The following SLC12A1 variants were observed in gnomAD, a reference collection of about 807,000 sequenced individuals.
The protein encoded by SLC12A1 is Na-K-2Cl cotransporter.
Under a neutral mutation model 130.4 loss-of-function variants are expected in SLC12A1, and 89 were observed. That is an observed-to-expected ratio of 0.68 (90% CI 0.58 to 0.81). The LOEUF is 0.81. SLC12A1 is among the 40% of genes least tolerant of loss of function. The pLI, the probability that SLC12A1 is intolerant of heterozygous loss-of-function variation, is 0.00. For missense variants in SLC12A1, 1,310 were observed against 1,336.4 expected, an observed-to-expected ratio of 0.98 and a Z score of 0.31; for synonymous variants, 499 against 460.0, an observed-to-expected ratio of 1.08 and a Z score of -1.09.
intron 20 of SLC12A1, 78 bp downstream of exon 20, chr15:48,274,731 AG>A: frequency 1.1e-6 from 1 of 930,426 alleles, no homozygotes; most frequent in Non-Finnish European, 1.7e-6. Flanking sequence ...GGGATACAGC[AG>A]GGCACAATAT....
At chr15:48,271,048 A>G (rs2141092920) in intron 19 of SLC12A1, among the ~76,000 whole-genome samples, 1 of 151,176 alleles carries the variant, frequency 6.6e-6, no homozygotes, top group South Asian at 2.1e-4. Flanking sequence ...ACATGGTGAA[A>G]CCCCGTCTCT....
At chr15:48,300,475 C>T (rs2042221847) in intron 25 of SLC12A1, among the ~76,000 whole-genome samples, 1 of 152,102 alleles carries the variant, frequency 6.6e-6, no homozygotes, top group African/African-American at 2.4e-5. Flanking sequence ...CCCCTGGGGC[C>T]CACGAGCTTC....
intron 11 of SLC12A1, among the ~76,000 whole-genome samples, chr15:48,245,482 C>T (rs1388142450): frequency 6.6e-6 from 1 of 152,146 alleles, no homozygotes; most frequent in African/African-American, 2.4e-5. Flanking sequence ...CATGAGTACT[C>T]AATGTTTAGC....
At chr15:48,273,944 C>T (rs1566851410) in intron 19 of SLC12A1, among the ~76,000 whole-genome samples, 1 of 152,214 alleles carries the variant, frequency 6.6e-6, no homozygotes, top group Non-Finnish European at 1.5e-5. Context: ...AAACTTTAAT[C>T]TCTTCAAACA....
intron 2 of SLC12A1, among the ~76,000 whole-genome samples, chr15:48,215,849 T>G (rs984595848): frequency 7.2e-5 from 11 of 152,230 alleles, no homozygotes; most frequent in African/African-American, 2.7e-4. Flanking sequence ...GGATTTATTC[T>G]TATTGGCAGT....
chr15:48,301,501 T>C (rs911607533), intron 26 of SLC12A1, 119 bp downstream of exon 26: 3 of 448,592 alleles, frequency 6.7e-6, no homozygotes, highest in African/African-American at 3.7e-5. Flanking sequence ...TGTGTTTTTT[T>C]TGGGGGGGGG....
At chr15:48,301,736 GA>G (rs2042236090) in intron 26 of SLC12A1, among the ~76,000 whole-genome samples, 2 of 152,028 alleles carry the variant, frequency 1.3e-5, no homozygotes, top group Non-Finnish European at 2.9e-5. Context: ...CCCCTTCCCT[GA>G]GTGGATGTCC....
intron 20 of SLC12A1, among the ~76,000 whole-genome samples, chr15:48,276,386 T>C (rs2041954377): frequency 6.6e-6 from 1 of 152,142 alleles, no homozygotes; most frequent in Non-Finnish European, 1.5e-5. Context: ...CCCCAGGACC[T>C]CGGAATGTGA....
At chr15:48,297,944 G>A (rs1566861097) in intron 24 of SLC12A1, among the ~76,000 whole-genome samples, 1 of 152,134 alleles carries the variant, frequency 6.6e-6, no homozygotes, top group Admixed American at 6.5e-5. Context: ...AAGAATAATA[G>A]GGCCTATCAG....
intron 17 of SLC12A1, among the ~76,000 whole-genome samples, chr15:48,262,022 T>A (rs932434376): frequency 6.6e-6 from 1 of 152,156 alleles, no homozygotes; most frequent in Non-Finnish European, 1.5e-5. Flanking sequence ...TAACTTTCAT[T>A]GTTATTGTGA....
Position 48,288,155 on chromosome 15 carries a change from G to A in SLC12A1, c.2742G>A (p.Trp914Ter). The change falls in exon 22 of 27, where the codon TGG (tryptophan) becomes TGA (stop). Residue 914 changes from tryptophan to a stop codon, truncating the protein, a stop_gained. Coordinates refer to ENST00000380993, the MANE Select transcript of SLC12A1 (RefSeq NM_000338.3). LOFTEE classifies it high-confidence loss of function. ...KKQEKGTIDV[W>*]WLFDDGGLTL... ...AAGAAAAAGGCACAATTGATGTTTGGTGGTTGTTTGATGATGGAGGTAAAA... is the reference window on the plus strand; with the variant it reads ...AAGAAAAAGGCACAATTGATGTTTGATGGTTGTTTGATGATGGAGGTAAAA... The A allele has an allele frequency of 6.2e-7, 1 of 1,609,516 alleles. No individual in the cohort carries two copies. The highest frequency in any genetic ancestry group is 1.1e-5 in the South Asian group (1 of 89,868).
chr15:48,273,540 AT>A (rs976367035), intron 19 of SLC12A1, among the ~76,000 whole-genome samples: 1 of 152,150 alleles, frequency 6.6e-6, no homozygotes, highest in African/African-American at 2.4e-5. Context: ...TAGAATCCAA[AT>A]TTTTTTGTGG....
At chr15:48,242,861 G>A (rs187423508) in intron 10 of SLC12A1, among the ~76,000 whole-genome samples, 2 of 152,288 alleles carry the variant, frequency 1.3e-5, no homozygotes, top group East Asian at 3.9e-4. Context: ...TTAGTTACAT[G>A]TAAAGAGATT....
chr15:48,263,468 T>C (rs1299119054), intron 17 of SLC12A1, among the ~76,000 whole-genome samples: 1 of 152,180 alleles, frequency 6.6e-6, no homozygotes, highest in Non-Finnish European at 1.5e-5. Flanking sequence ...CTAAAAAAAT[T>C]AATTAGGTTG....
chr15:48,218,582 ATGTTT>A (rs1309413841), intron 2 of SLC12A1, among the ~76,000 whole-genome samples: 1 of 152,120 alleles, frequency 6.6e-6, no homozygotes, highest in African/African-American at 2.4e-5. Context: ...ATAAATATGG[ATGTTT>A]ATTTCACACC....
At chr15:48,274,735 C>T in intron 20 of SLC12A1, 82 bp downstream of exon 20, 1 of 886,302 alleles carries the variant, frequency 1.1e-6, no homozygotes, top group Non-Finnish European at 1.8e-6. Context: ...TACAGCAGGG[C>T]ACAATATAGA....
chr15:48,270,245 T>G (rs2041878328), intron 19 of SLC12A1, among the ~76,000 whole-genome samples: 1 of 152,196 alleles, frequency 6.6e-6, no homozygotes, highest in Non-Finnish European at 1.5e-5. Context: ...CATTGGCTTG[T>G]GCACAGAATG....
intron 4 of SLC12A1, chr15:48,222,528 G>T (rs1221299816): frequency 6.6e-6 from 1 of 151,908 alleles, no homozygotes; most frequent in Non-Finnish European, 1.5e-5. Flanking sequence ...TATATTAGAA[G>T]AGAGTAAAAT....
Position 48,230,442 on chromosome 15 carries a change from G to T in SLC12A1, c.914G>T (p.Gly305Val), listed in dbSNP as rs755310753. 1 of 1,613,100 alleles carries T rather than the reference G, an allele frequency of 6.2e-7. No individual in the cohort carries two copies. The highest frequency in any genetic ancestry group is 2.2e-5 in the East Asian group (1 of 44,866). ...CCAACCAATGACATCCGGATTATAG[G>T]CTCCATCACAGTGGTGATTCTTCTA... ...VDPTNDIRII[G>V]SITVVILLGI... The change falls in exon 7 of 27, where the codon GGC becomes GTC. Residue 305 changes from glycine (G) to valine (V), a missense_variant. By Grantham distance (109) the Gly-to-Val change is moderately radical (BLOSUM62 -3). Transcript: ENST00000380993.
Sources: allele counts gnomAD v4.1 joint callset (sites outside exome capture counted in the v4.1 genomes callset), GRCh38; gene constraint gnomAD v4.1.1; transcripts MANE v1.5; gene names NCBI Gene and HGNC (gene_info 2026-07-23, HGNC 2026-07-21).